The following SLC44A5 variants were observed in gnomAD, a reference collection of about 807,000 sequenced individuals.
SLC44A5 encodes solute carrier family 44 member 5, also known as choline transporter-like protein 5.
In SLC44A5, 57 loss-of-function variants were observed where a neutral mutation model predicts 101.8. The ratio of observed to expected loss-of-function variants is 0.56; its 90% CI spans 0.45 to 0.70. SLC44A5 has a LOEUF of 0.70. Ranked by LOEUF, SLC44A5 falls within the 30% of genes least tolerant of loss-of-function variation. The pLI is 0.00. For synonymous variants in SLC44A5, 281 were observed against 290.9 expected (o/e 0.97, Z 0.35); for missense variants, 737 against 853.1 (o/e 0.86, Z 1.70).
intron 4 of SLC44A5, among the ~76,000 whole-genome samples, chr1:75,307,135 G>C (rs1174599527): frequency 6.6e-6 from 1 of 152,152 alleles, no homozygotes; most frequent in South Asian, 2.1e-4. Flanking sequence ...AGTCCTAAAA[G>C]TCATTATTCT....
the SLC44A5 span, among the ~76,000 whole-genome samples, chr1:75,670,870 TG>T: frequency 4.2e-4 from 64 of 152,304 alleles, no homozygotes; most frequent in East Asian, 0.012. Flanking sequence ...GGTGAGGAAT[TG>T]TGTTAAAATA....
At chr1:75,280,146 ATT>A (rs372907249) in intron 5 of SLC44A5, among the ~76,000 whole-genome samples, 4 of 268 alleles carry the variant, frequency 0.015, no homozygotes, top group Admixed American at 0.083. Context: ...ATATATATAT[ATT>A]GTATATATTA....
the SLC44A5 span, among the ~76,000 whole-genome samples, chr1:75,645,459 C>G: frequency 5.3e-5 from 8 of 151,950 alleles, no homozygotes; most frequent in African/African-American, 1.9e-4. Flanking sequence ...CCTTCGCCCA[C>G]TTGTTGATGG....
chr1:75,636,655 C>T, the SLC44A5 span, among the ~76,000 whole-genome samples: 1 of 151,760 alleles, frequency 6.6e-6, no homozygotes, highest in African/African-American at 2.4e-5. Context: ...ATTAGCTTTG[C>T]CAATAAGGAA....
chr1:75,339,611 G>A lies in SLC44A5; in HGVS notation c.72C>T (p.Asp24=). Residue 24 remains aspartate, a synonymous_variant, in exon 4 of 24, where the codon GAC becomes GAT. Transcript: ENST00000370859. ...TGGCAACAGGCCCCTTGAAATCTGG[G>A]TCATATGTCCTTGGATCACCTGCAT... ...EEDFGDPRTY[D]PDFKGPVANR... is the part of the protein sequence containing the mutation. The A allele has an allele frequency of 6.2e-7, 1 of 1,609,114 alleles. No individual in the cohort carries two copies. Among genetic ancestry groups the A allele is most frequent in the African/African-American group, 1.3e-5 (1 of 74,824 alleles).
the SLC44A5 span, among the ~76,000 whole-genome samples, chr1:75,635,802 T>TATA: frequency 1.4e-4 from 19 of 131,664 alleles, no homozygotes; most frequent in African/African-American, 5.4e-4. Context: ...AAACTTAAAG[T>TATA]ATAATAATAA....
chr1:75,255,075 T>C (rs1396089796), intron 6 of SLC44A5, among the ~76,000 whole-genome samples: 3 of 152,118 alleles, frequency 2.0e-5, no homozygotes, highest in African/African-American at 7.3e-5. Flanking sequence ...CAATTCATGC[T>C]GTAATGGAAT....
chr1:75,517,213 G>A (rs1323817601), intron 2 of SLC44A5, among the ~76,000 whole-genome samples: 2 of 151,920 alleles, frequency 1.3e-5, no homozygotes, highest in East Asian at 1.9e-4. Context: ...TGCCCTTTCC[G>A]AGACTATATA....
At chr1:75,208,660 A>C (rs577872083) in intron 23 of SLC44A5, among the ~76,000 whole-genome samples, 1 of 152,230 alleles carries the variant, frequency 6.6e-6, no homozygotes, top group East Asian at 1.9e-4. Context: ...CTATTAGAGA[A>C]TTCTGGCATG....
intron 23 of SLC44A5, among the ~76,000 whole-genome samples, chr1:75,209,731 G>A (rs528034300): frequency 4.1e-4 from 63 of 152,190 alleles, no homozygotes; most frequent in Middle Eastern, 3.4e-3. Context: ...TATAGTTATC[G>A]TCTCTCTTGA....
chr1:75,372,314 TTTACACTTAC>T (rs1373850153), intron 3 of SLC44A5, among the ~76,000 whole-genome samples: 1 of 152,068 alleles, frequency 6.6e-6, no homozygotes, highest in African/African-American at 2.4e-5. Context: ...TTTCCTTAAA[TTTACACTTAC>T]TTTTCCCCAG....
At chr1:75,387,275 C>T (rs1661428264) in intron 3 of SLC44A5, among the ~76,000 whole-genome samples, 2 of 151,030 alleles carry the variant, frequency 1.3e-5, no homozygotes, top group Admixed American at 1.3e-4. Context: ...GAACAGGCAA[C>T]CTACAAAATG....
intron 12 of SLC44A5, 34 bp downstream of exon 12, chr1:75,233,952 G>T: frequency 7.0e-7 from 1 of 1,424,798 alleles, no homozygotes; most frequent in Non-Finnish European, 9.9e-7. Flanking sequence ...GGATTATTCT[G>T]ATATTTGATA....
intron 7 of SLC44A5, among the ~76,000 whole-genome samples, chr1:75,248,869 T>C (rs649352): frequency 0.73 from 111,094 of 151,984 alleles, 40,778 homozygotes; most frequent in East Asian, 0.93. Flanking sequence ...GAATTGAGAA[T>C]GTTTATACAG....
At chr1:75,211,672 T>C in intron 22 of SLC44A5, 120 bp from the exon 23 acceptor site, 1 of 674,578 alleles carries the variant, frequency 1.5e-6, no homozygotes, top group Non-Finnish European at 2.5e-6. Flanking sequence ...GGGAAAAGAG[T>C]TCAGTATAGA....
chr1:75,211,587 T>C (rs1041659465), intron 22 of SLC44A5, 35 bp from the exon 23 acceptor site: 1 of 1,442,878 alleles, frequency 6.9e-7, no homozygotes, highest in African/African-American at 1.4e-5. Context: ...CAACATGTCA[T>C]TTACTTTGAC....
At chr1:75,283,966 C>T (rs1432730600) in intron 5 of SLC44A5, among the ~76,000 whole-genome samples, 1 of 151,978 alleles carries the variant, frequency 6.6e-6, no homozygotes, top group Non-Finnish European at 1.5e-5. Flanking sequence ...TTTTTGCTTA[C>T]TCTTGCTTTG....
In SLC44A5 at chr1:75,215,772, G is replaced by T; in HGVS notation, c.1710C>A (p.Asn570Lys). 6.2e-7 allele frequency: 1 copy of T among 1,600,480 alleles called. No homozygotes were observed. The highest frequency in any genetic ancestry group is 8.6e-7 in the Non-Finnish European group (1 of 1,168,294). Residue 570 changes from asparagine (N) to lysine (K), a missense_variant, in exon 19 of 24, where the codon AAC becomes AAA. Transcript: ENST00000370859. ...TACCTACCATAATATAGGCATTTCT[G>T]TTTAAAAACTTTATTGCATTTTCCA... is the stretch of plus-strand genomic sequence containing the variant. ...WCLENAIKFL[N>K]RNAYIMIAIY...
chr1:75,492,696 G>A (rs916571413), intron 2 of SLC44A5, among the ~76,000 whole-genome samples: 1 of 152,172 alleles, frequency 6.6e-6, no homozygotes, highest in Non-Finnish European at 1.5e-5. Flanking sequence ...GCTAGAACAA[G>A]CTTAGAATTA....
Sources: allele counts gnomAD v4.1 joint callset (sites outside exome capture counted in the v4.1 genomes callset), GRCh38; gene constraint gnomAD v4.1.1; transcripts MANE v1.5; gene names NCBI Gene and HGNC (gene_info 2026-07-23, HGNC 2026-07-21).